Variants in PSMB1 observed in about 807,000 individuals in gnomAD.
The protein encoded by PSMB1 is proteasome 20S subunit beta 1, also known as proteasome subunit beta type-1.
PSMB1 carries 7 observed loss-of-function variants against 25.4 expected under a neutral mutation model. That is an observed-to-expected ratio of 0.28 (90% CI 0.16 to 0.52). PSMB1 has a LOEUF of 0.52. Ranked by LOEUF, PSMB1 falls within the 20% of genes least tolerant of loss-of-function variation. The probability of loss-of-function intolerance (pLI) is 0.97; values close to 1 mark genes in which losing one functional copy is unlikely to be tolerated. For missense variants in PSMB1, 284 were observed against 302.2 expected, an observed-to-expected ratio of 0.94 and a Z score of 0.45; for synonymous variants, 119 against 115.0, an observed-to-expected ratio of 1.03 and a Z score of -0.22.
At chr6:170,549,284 T>A (rs1778861920) in intron 1 of PSMB1, 171 bp from the exon 2 acceptor site, 1 of 507,442 alleles carries the variant, frequency 2.0e-6, no homozygotes, top group African/African-American at 1.9e-5. Flanking sequence ...TGGCTACGAG[T>A]TGTCTGGGAA....
intron 2 of PSMB1, among the ~76,000 whole-genome samples, chr6:170,548,668 A>G (rs1778853754): frequency 6.6e-6 from 1 of 152,202 alleles, no homozygotes; most frequent in African/African-American, 2.4e-5. Flanking sequence ...CTCAGCTTTC[A>G]TGAATGGACA....
At position 170,535,253 on chromosome 6, in the gene PSMB1, G is replaced by A. The variant is rs748363440; in HGVS notation, c.693C>T (p.Ile231=). ...TCCTTAAGGAAACAGTTTCCTCCCTGATGCCCTCTTTGGTCACTATGCAGA... is the reference window on the plus strand; with the variant it reads ...TCCTTAAGGAAACAGTTTCCTCCCTAATGCCCTCTTTGGTCACTATGCAGA... ...LRICIVTKEG[I]REETVSLRKD The change falls in exon 6 of 6, where the codon ATC becomes ATT. Residue 231 remains isoleucine (I), a synonymous_variant. Transcript: ENST00000262193. 2.5e-6 allele frequency: 4 copies of A among 1,614,022 alleles called. No homozygotes were observed. The East Asian group carries it at 8.9e-5, about 36-fold the overall frequency.
chr6:170,551,425 C>T lies in PSMB1; in HGVS notation c.113+1705G>A, dbSNP rs573819045. ...GAAAAGAGAATGAGGCCTCATTTTG[C>T]GGAAGCGAAGGCTGCCTGAGAGCCA... On this transcript the variant is annotated intron_variant, in intron 1 of 5. Transcript: ENST00000262193. 2.0e-5 allele frequency among the ~76,000 whole-genome samples: 3 copies of T among 152,126 alleles called. No homozygotes were observed. The South Asian group carries it at 6.2e-4, about 32-fold the overall frequency.
At position 170,535,368 on chromosome 6, in the gene PSMB1, G is replaced by A. The variant is rs576330081; in HGVS notation, c.578C>T (p.Pro193Leu). The change falls in exon 6 of 6, where the codon CCG becomes CTG. Residue 193 changes from proline to leucine, a missense_variant. By Grantham distance (98) the Pro-to-Leu change is moderately conservative. Coordinates refer to ENST00000262193, the MANE Select transcript of PSMB1 (RefSeq NM_002793.4). Reference protein sequence around the residue: ...FKNMQNVEHVPLSLDRAMRLV... With the variant: ...FKNMQNVEHVLLSLDRAMRLV... ...CCGCATGGCTCTGTCCAAGGACAGC[G>A]GAACATGCTCCACATTCTGCATGTT... 9.9e-6 allele frequency: 16 copies of A among 1,613,978 alleles called. No individual in the cohort carries two copies. Among genetic ancestry groups the A allele is most frequent in the Middle Eastern group, 1.7e-4 (1 of 5,960 alleles).
intron 1 of PSMB1, 28 bp downstream of exon 1, chr6:170,553,102 G>A (rs1377092304): frequency 2.6e-6 from 4 of 1,559,660 alleles, no homozygotes; most frequent in Non-Finnish European, 3.5e-6. Context: ...GGGCGAAAGT[G>A]AAAGCCGCAG....
chr6:170,537,582 C>T (rs1221104784), intron 4 of PSMB1, among the ~76,000 whole-genome samples: 7 of 152,130 alleles, frequency 4.6e-5, no homozygotes, highest in Non-Finnish European at 1.5e-5. Flanking sequence ...AGCCCCAATC[C>T]CCGTGTTGGT....
At chr6:170,540,634 T>C (rs1346784167) in intron 4 of PSMB1, among the ~76,000 whole-genome samples, 2 of 133,174 alleles carry the variant, frequency 1.5e-5, no homozygotes, top group African/African-American at 2.8e-5. Flanking sequence ...GAAGGAAGCC[T>C]CTAACATAGA....
At chr6:170,545,261 T>C (rs1311951475) in intron 3 of PSMB1, among the ~76,000 whole-genome samples, 1 of 152,362 alleles carries the variant, frequency 6.6e-6, no homozygotes, top group Middle Eastern at 3.4e-3. Flanking sequence ...GTGTATTATG[T>C]AGAATTCACC....
chr6:170,536,403 A>T (rs942295517), intron 5 of PSMB1: 8 of 452,612 alleles, frequency 1.8e-5, no homozygotes, highest in African/African-American at 1.4e-4. Flanking sequence ...CTTAAATAAC[A>T]AGTGGCCCAA....
intron 3 of PSMB1, among the ~76,000 whole-genome samples, chr6:170,544,910 C>T (rs1300166142): frequency 1.3e-5 from 2 of 151,980 alleles, no homozygotes; most frequent in African/African-American, 2.4e-5. Context: ...TTTGGGAGGC[C>T]GAGATGGGTG....
At chr6:170,552,082 A>T (rs1284046569) in intron 1 of PSMB1, among the ~76,000 whole-genome samples, 2 of 152,198 alleles carry the variant, frequency 1.3e-5, no homozygotes, top group Non-Finnish European at 2.9e-5. Context: ...CTTTGTTTTT[A>T]AAATTTATTT....
intron 4 of PSMB1, among the ~76,000 whole-genome samples, chr6:170,539,700 T>A (rs1778734451): frequency 6.6e-6 from 1 of 151,974 alleles, no homozygotes. Flanking sequence ...CAAAAAAAAA[T>A]TTATCTGACC....
intron 3 of PSMB1, among the ~76,000 whole-genome samples, chr6:170,545,878 A>G (rs1171408825): frequency 1.3e-5 from 2 of 152,234 alleles, no homozygotes; most frequent in Non-Finnish European, 2.9e-5. Context: ...AGAACCCTTC[A>G]TATGATACAA....
chr6:170,537,168 A>G, intron 5 of PSMB1, 66 bp downstream of exon 5: 3 of 1,218,560 alleles, frequency 2.5e-6, no homozygotes, highest in Non-Finnish European at 3.6e-6. Context: ...ACTTGGAGGA[A>G]GGCACTTCAA....
chr6:170,536,841 A>G (rs1372083936), intron 5 of PSMB1, among the ~76,000 whole-genome samples: 5 of 152,092 alleles, frequency 3.3e-5, no homozygotes, highest in Admixed American at 3.3e-4. Context: ...CGTGTTGTTC[A>G]AGGCTCAACT....
At chr6:170,537,812 C>G (rs1231733332) in intron 4 of PSMB1, among the ~76,000 whole-genome samples, 2 of 152,190 alleles carry the variant, frequency 1.3e-5, no homozygotes, top group East Asian at 3.9e-4. Flanking sequence ...GTAGGGAGAA[C>G]ACAGAGAGAG....
chr6:170,535,751 G>A (rs950913353), intron 5 of PSMB1, among the ~76,000 whole-genome samples: 11 of 152,178 alleles, frequency 7.2e-5, no homozygotes, highest in African/African-American at 2.7e-4. Context: ...AAGAAGACAG[G>A]CTTCAGCAGA....
At chr6:170,535,992 G>A (rs779622905) in intron 5 of PSMB1, among the ~76,000 whole-genome samples, 2 of 152,192 alleles carry the variant, frequency 1.3e-5, no homozygotes, top group Non-Finnish European at 2.9e-5. Flanking sequence ...AAGTAAACTT[G>A]TAGGCAGAAA....
At chr6:170,542,733 T>A (rs1778771673) in intron 4 of PSMB1, among the ~76,000 whole-genome samples, 1 of 152,162 alleles carries the variant, frequency 6.6e-6, no homozygotes, top group Non-Finnish European at 1.5e-5. Flanking sequence ...GGGCAGTCCC[T>A]TACAGGAATT....
Sources: allele counts gnomAD v4.1 joint callset (sites outside exome capture counted in the v4.1 genomes callset), GRCh38; gene constraint gnomAD v4.1.1; transcripts MANE v1.5; gene names NCBI Gene and HGNC (gene_info 2026-07-23, HGNC 2026-07-21).